PITPNM3: variants seen among roughly 807,000 people sequenced by gnomAD.
The protein encoded by PITPNM3 is membrane-associated phosphatidylinositol transfer protein 3.
PITPNM3 carries 26 observed loss-of-function variants against 102.0 expected under a neutral mutation model. The observed-to-expected ratio is 0.25, with a 90% CI of 0.19 to 0.35. The LOEUF (loss-of-function observed/expected upper bound fraction) is 0.35, where lower values mean the gene tolerates loss of function less well. Among genes scored for constraint, PITPNM3 ranks in the 10% least tolerant of loss-of-function variants. The pLI is 1.00. For missense variants in PITPNM3, 1,083 were observed against 1,346.1 expected (o/e 0.80, Z 3.06); for synonymous variants, 578 against 558.6 (o/e 1.03, Z -0.49).
intron 1 of PITPNM3, among the ~76,000 whole-genome samples, chr17:6,553,621 G>A (rs1910435732): frequency 1.3e-5 from 2 of 152,200 alleles, no homozygotes; most frequent in South Asian, 2.1e-4. Context: ...CTCCGTGGGT[G>A]ATCTACTGGC....
chr17:6,553,577 T>G (rs1345463673), intron 1 of PITPNM3, among the ~76,000 whole-genome samples: 1 of 152,202 alleles, frequency 6.6e-6, no homozygotes, highest in Non-Finnish European at 1.5e-5. Flanking sequence ...TCAGGTACCA[T>G]GGCAGCCCTG....
intron 4 of PITPNM3, among the ~76,000 whole-genome samples, 179 bp from the exon 5 acceptor site, chr17:6,484,471 C>T (rs1182772870): frequency 6.6e-6 from 1 of 152,182 alleles, no homozygotes; most frequent in Non-Finnish European, 1.5e-5. Context: ...ACCAACACAA[C>T]ATGAAACCCT....
chr17:6,556,290 T>C lies in PITPNM3; in HGVS notation c.22+95A>G. 1 of 1,142,312 alleles carries C rather than the reference T, an allele frequency of 8.8e-7. No homozygotes were observed. The highest frequency in any genetic ancestry group is 1.2e-6 in the Non-Finnish European group (1 of 859,564). The allele number at this position is 1,142,312 out of a possible 1,614,324, so 70.8% of individuals were successfully genotyped here. On this transcript the variant is annotated intron_variant, in intron 1 of 19. Transcript: ENST00000262483. This position sits in a 1 kb window ranked among gnomAD's most constrained non-coding sequence, Gnocchi z 5.2. ...CGCCCTCCCGGGACCTCCGCCCACC[T>C]GCGCGAGGGGTTCACCTGGGCCGGC...
Position 6,468,485 on chromosome 17 carries a change from C to CGCAGACCCCGG in PITPNM3, c.1774-155_1774-145dup. 1 of 811,004 alleles carries CGCAGACCCCGG rather than the reference C, an allele frequency of 1.2e-6. No homozygotes were observed. Among genetic ancestry groups the CGCAGACCCCGG allele is most frequent in the Non-Finnish European group, 2.1e-6 (1 of 475,018 alleles). The allele number at this position is 811,004 out of a possible 1,614,324, so 50.2% of individuals were successfully genotyped here. A position where few individuals can be genotyped will look rare whatever the true frequency, so the allele number is the denominator to read the frequency against. ...TCACAGCCTGGAACCGTCAGGAGGCCGCAGACCCCGGGACCTGCATTCCTG... is the reference window on the plus strand; with the variant it reads ...TCACAGCCTGGAACCGTCAGGAGGCCGCAGACCCCGGGCAGACCCCGGGACCTGCATTCCTG... On this transcript the variant is annotated intron_variant, in intron 13 of 19. Transcript: ENST00000262483. The surrounding 1 kb of genome is among the most constrained non-coding windows in gnomAD (Gnocchi z 5.2).
chr17:6,550,139 C>G (rs969564529), intron 1 of PITPNM3, among the ~76,000 whole-genome samples: 10 of 152,220 alleles, frequency 6.6e-5, no homozygotes, highest in African/African-American at 2.2e-4. Flanking sequence ...GAGGGCAGTT[C>G]AAGGTCAACC....
rs373230171 is a variant in PITPNM3 at position 6,478,613 on chromosome 17, G to T, written c.711C>A (p.Ile237=). The T allele has an allele frequency of 1.2e-6, 2 of 1,614,084 alleles. No homozygotes were observed. The highest frequency in any genetic ancestry group is 1.7e-6 in the Non-Finnish European group (2 of 1,180,020). The change falls in exon 7 of 20, where the codon ATC becomes ATA. Residue 237 remains isoleucine (I), a synonymous_variant. Transcript: ENST00000262483. The surrounding 1 kb of genome is among the most constrained non-coding windows in gnomAD (Gnocchi z 4.4). The stretch of plus-strand genomic sequence containing the variant: ...CTCTGTAGACCTGGTTGGCTCGCTC[G>T]ATGACGGTGGCGACAGCATCCTGGT... ...PQYQDAVATV[I]ERANQVYREF... is the part of the protein sequence containing the mutation.
intron 2 of PITPNM3, among the ~76,000 whole-genome samples, chr17:6,530,020 G>A (rs1021054206): frequency 3.3e-5 from 5 of 152,148 alleles, no homozygotes; most frequent in East Asian, 3.9e-4. Context: ...GAATAATCAC[G>A]CAGCTTCCCA....
At chr17:6,498,695 G>C (rs745826857) in intron 4 of PITPNM3, among the ~76,000 whole-genome samples, 22 of 152,194 alleles carry the variant, frequency 1.4e-4, no homozygotes, top group Non-Finnish European at 1.6e-4. Flanking sequence ...AATGACACTA[G>C]CAGAGGCTGA....
chr17:6,507,856 C>T (rs1272097696), intron 3 of PITPNM3, among the ~76,000 whole-genome samples: 1 of 152,134 alleles, frequency 6.6e-6, no homozygotes, highest in African/African-American at 2.4e-5. Flanking sequence ...ATGAGTTCTC[C>T]AGACCATCCA....
chr17:6,491,736 G>A (rs1018449176), intron 4 of PITPNM3, among the ~76,000 whole-genome samples: 5 of 151,194 alleles, frequency 3.3e-5, no homozygotes, highest in Non-Finnish European at 7.4e-5. Context: ...GGGAGGTGGG[G>A]GAAGAAGCTT....
chr17:6,487,949 G>C (rs1906198261), intron 4 of PITPNM3, among the ~76,000 whole-genome samples: 2 of 152,170 alleles, frequency 1.3e-5, no homozygotes, highest in South Asian at 2.1e-4. Context: ...TTTGGGGACA[G>C]AGCCTTGCTT....
At chr17:6,503,400 T>A in intron 4 of PITPNM3, 127 bp downstream of exon 4, 1 of 1,130,892 alleles carries the variant, frequency 8.8e-7, no homozygotes, top group Non-Finnish European at 1.3e-6. Context: ...CGGTACTGCC[T>A]GCAGGCAAGA....
In PITPNM3 at chr17:6,474,601, G is replaced by A. The variant is rs1441072813; in HGVS notation, c.1089C>T (p.Ile363=). The A allele has an allele frequency of 1.9e-6, 3 of 1,562,060 alleles. No homozygotes were observed. Among genetic ancestry groups the A allele is most frequent in the Admixed American group, 3.8e-5 (2 of 51,986 alleles). ...ITQHHAFLSS[I]HSSVLKDESE... ...ACTCATCCTTTAGCACGCTGGAGTGGATGCTGCGGAGGGAGGAGGACGCAG... is the reference window on the plus strand; with the variant it reads ...ACTCATCCTTTAGCACGCTGGAGTGAATGCTGCGGAGGGAGGAGGACGCAG... The change falls in exon 10 of 20, where the codon ATC becomes ATT. Residue 363 remains isoleucine (I), a synonymous_variant. Transcript: ENST00000262483.
rs1220271089 is a variant in PITPNM3 at position 6,474,379 on chromosome 17, GGT to G, written c.1258+51_1258+52del. The stretch of plus-strand genomic sequence containing the variant: ...TCTCCTCATTCTGAGGCCCTGACAC[GGT>G]GGCCCTAGTGACGCACAGGCACCTC... On this transcript the variant is annotated intron_variant, in intron 10 of 19. Transcript: ENST00000262483. The G allele has an allele frequency of 1.1e-5, 18 of 1,578,540 alleles. No homozygotes were observed. In the East Asian group the frequency reaches 4.0e-4, roughly 35 times the overall value.
chr17:6,477,113 G>T lies in PITPNM3; in HGVS notation c.1001C>A (p.Pro334His). 1 of 1,614,164 alleles carries T rather than the reference G, an allele frequency of 6.2e-7. No individual in the cohort carries two copies. The highest frequency in any genetic ancestry group is 8.5e-7 in the Non-Finnish European group (1 of 1,180,042). The change falls in exon 9 of 20, where the codon CCC (proline) becomes CAC (histidine). Residue 334 changes from proline to histidine, a missense_variant. Physicochemically the swap from Pro to His is moderately conservative, Grantham distance 77. Around this residue, in one of 5 missense-constraint regions of PITPNM3, gnomAD observed 172 missense variants for 175.6 expected, o/e 0.98. Coordinates refer to ENST00000262483, the MANE Select transcript of PITPNM3 (RefSeq NM_031220.4). ...DISSGLEDEE[P>H]KRPLPRKQSD... The stretch of plus-strand genomic sequence containing the variant: ...CTGTTTCCGCGGCAACGGCCTCTTG[G>T]GCTCCTCATCCTCCAACCCACTGGA...
In PITPNM3 at chr17:6,556,471, CCGCCTCCGGCCCCGAA is replaced by C; in HGVS notation, c.-81_-66del. ...TCGCGCTTCCCGGGCCCGGCCCCGA[CCGCCTCCGGCCCCGAA>C]CGGACTCCGAGCGCCGCGCCCGCGC... is the stretch of plus-strand genomic sequence containing the variant. On this transcript the variant is annotated 5_prime_UTR_variant, in exon 1 of 20. Transcript: ENST00000262483. The surrounding 1 kb of genome is among the most constrained non-coding windows in gnomAD (Gnocchi z 5.2). The C allele has an allele frequency of 9.1e-7, 1 of 1,093,168 alleles. No individual in the cohort carries two copies. 67.7% of individuals were successfully genotyped at this position (1,093,168 alleles called of 1,614,324 possible).
At chr17:6,487,135 C>T (rs925200571) in intron 4 of PITPNM3, among the ~76,000 whole-genome samples, 1 of 152,152 alleles carries the variant, frequency 6.6e-6, no homozygotes, top group African/African-American at 2.4e-5. Context: ...GGAGTGATGG[C>T]AGGGCTGAGG....
In PITPNM3 at chr17:6,474,522, A is replaced by G; in HGVS notation, c.1168T>C (p.Phe390Leu). ...AAGAAGTCGGACACATCGAAGTCAA[A>G]GCGGCCCAGGCTGACCTCAGGGAGC... ...PQLPEVSLGR[F>L]DFDVSDFFLF... Residue 390 changes from phenylalanine (F) to leucine (L), a missense_variant, in exon 10 of 20, where the codon TTT (phenylalanine) becomes CTT (leucine). This residue lies in a region of PITPNM3 where 172 missense variants were observed against 175.6 expected (regional missense o/e 0.98). Coordinates refer to ENST00000262483, the MANE Select transcript of PITPNM3 (RefSeq NM_031220.4). 6.2e-7 allele frequency: 1 copy of G among 1,612,556 alleles called. No homozygotes were observed.
intron 9 of PITPNM3, 37 bp from the exon 10 acceptor site, chr17:6,474,641 G>C: frequency 6.5e-7 from 1 of 1,542,866 alleles, no homozygotes; most frequent in South Asian, 1.2e-5. Context: ...GGGCAGGTCA[G>C]GGAAGGACCG....
Sources: allele counts gnomAD v4.1 joint callset (sites outside exome capture counted in the v4.1 genomes callset), GRCh38; gene constraint gnomAD v4.1.1; regional missense constraint gnomAD v4.1.1; non-coding constraint Gnocchi (gnomAD v3.1); transcripts MANE v1.5; gene names NCBI Gene and HGNC (gene_info 2026-07-23, HGNC 2026-07-21).